Variants in DLG1 observed in about 807,000 individuals in gnomAD.
DLG1 encodes the protein disks large homolog 1.
In DLG1, 42 loss-of-function variants were observed where a neutral mutation model predicts 123.4. The ratio of observed to expected loss-of-function variants is 0.34; its 90% CI spans 0.27 to 0.44. The LOEUF (loss-of-function observed/expected upper bound fraction) is 0.44. Ranked by LOEUF, DLG1 falls within the 20% of genes least tolerant of loss-of-function variation. The pLI, the probability that DLG1 is intolerant of heterozygous loss-of-function variation, is 1.00. For missense variants in DLG1, 942 were observed against 1,082.6 expected, an observed-to-expected ratio of 0.87 and a Z score of 1.82; for synonymous variants, 317 against 356.2, an observed-to-expected ratio of 0.89 and a Z score of 1.24.
At chr3:197,292,270 A>G (rs141848892) in intron 3 of DLG1, among the ~76,000 whole-genome samples, 46 of 152,344 alleles carry the variant, frequency 3.0e-4, no homozygotes, top group African/African-American at 8.4e-4. Flanking sequence ...ATACAACGGA[A>G]TATTATTCAG....
chr3:197,117,876 T>C (rs1441726886), intron 12 of DLG1, among the ~76,000 whole-genome samples: 4 of 152,234 alleles, frequency 2.6e-5, no homozygotes, highest in Non-Finnish European at 4.4e-5. Flanking sequence ...CCACAAATTG[T>C]ATACTTTAAA....
intron 11 of DLG1, among the ~76,000 whole-genome samples, chr3:197,129,993 T>C (rs1421785645): frequency 2.6e-5 from 4 of 152,170 alleles, no homozygotes; most frequent in Non-Finnish European, 5.9e-5. Context: ...TTTACCAAAA[T>C]GTGACACAGA....
chr3:197,117,353 A>C (rs1378035641), intron 12 of DLG1, among the ~76,000 whole-genome samples: 1 of 152,240 alleles, frequency 6.6e-6, no homozygotes, highest in Non-Finnish European at 1.5e-5. Context: ...CAAGTAACTG[A>C]AAGCAGTGAT....
At chr3:197,064,319 G>A (rs1738019501) in intron 22 of DLG1, among the ~76,000 whole-genome samples, 1 of 151,464 alleles carries the variant, frequency 6.6e-6, no homozygotes, top group Non-Finnish European at 1.5e-5. Flanking sequence ...TCAGCCTCCT[G>A]AGAAGCTGGG....
chr3:197,272,231 A>G (rs531740453), intron 4 of DLG1, among the ~76,000 whole-genome samples: 28 of 152,276 alleles, frequency 1.8e-4, no homozygotes, highest in African/African-American at 6.5e-4. Flanking sequence ...TCACGCCTAT[A>G]AACTCAGCTA....
At chr3:197,081,964 A>AT (rs1416925226) in intron 16 of DLG1, among the ~76,000 whole-genome samples, 2 of 152,366 alleles carry the variant, frequency 1.3e-5, no homozygotes, top group South Asian at 2.1e-4. Context: ...ATGTTAGCAT[A>AT]TAACAGAAAA....
intron 4 of DLG1, among the ~76,000 whole-genome samples, chr3:197,232,491 A>C (rs1230825272): frequency 1.3e-5 from 2 of 152,202 alleles, no homozygotes; most frequent in Non-Finnish European, 2.9e-5. Flanking sequence ...TCTATGCTTA[A>C]ATATTTAAAA....
intron 4 of DLG1, among the ~76,000 whole-genome samples, chr3:197,243,477 TAA>T (rs1052187130): frequency 1.3e-5 from 2 of 152,188 alleles, no homozygotes; most frequent in African/African-American, 4.8e-5. Context: ...TGTCTAGAAG[TAA>T]AAGTTTGTTA....
At chr3:197,129,505 C>G (rs1052882079) in intron 11 of DLG1, among the ~76,000 whole-genome samples, 5 of 152,194 alleles carry the variant, frequency 3.3e-5, no homozygotes, top group Non-Finnish European at 7.3e-5. Flanking sequence ...CAACAGCAAT[C>G]AGATTGTCTT....
intron 7 of DLG1, among the ~76,000 whole-genome samples, chr3:197,141,111 T>C (rs139762975): frequency 6.6e-6 from 1 of 152,350 alleles, no homozygotes; most frequent in African/African-American, 2.4e-5. Context: ...TAAGCAAATA[T>C]ATGTGGACCT....
chr3:197,119,443 G>A lies in DLG1; in HGVS notation c.1253C>T (p.Ser418Phe), dbSNP rs898564562. Residue 418 changes from serine (S) to phenylalanine (F), a missense_variant, in exon 12 of 25, where the codon TCT (serine) becomes TTT (phenylalanine). By Grantham distance (155) the Ser-to-Phe change is radical. Coordinates refer to ENST00000667157, the MANE Select transcript of DLG1 (RefSeq NM_001366207.1). ...PASPARYSPV[S>F]KAVLGDDEIT... ...TTCATCATCTCCAAGTACTGCTTTA[G>A]AAACTGGGGAGTATCTGGCTGGAGA... The A allele has an allele frequency of 6.2e-7, 1 of 1,610,248 alleles. No homozygotes were observed. Among genetic ancestry groups the A allele is most frequent in the Non-Finnish European group, 8.5e-7 (1 of 1,177,392 alleles).
At chr3:197,137,793 G>A (rs543339216) in intron 9 of DLG1, among the ~76,000 whole-genome samples, 2 of 151,816 alleles carry the variant, frequency 1.3e-5, no homozygotes, top group East Asian at 3.9e-4. Context: ...AATGCAGGGA[G>A]GCCTCCGTCT....
chr3:197,061,083 C>T (rs182915054), intron 22 of DLG1, among the ~76,000 whole-genome samples: 326 of 152,300 alleles, frequency 2.1e-3, no homozygotes, highest in African/African-American at 7.6e-3. Context: ...GGATTATAGG[C>T]GTGAGCCACC....
chr3:197,195,398 T>C (rs936533086), intron 4 of DLG1, among the ~76,000 whole-genome samples: 5 of 152,030 alleles, frequency 3.3e-5, no homozygotes. Flanking sequence ...AATCAATTGA[T>C]TGATCAGTAA....
In DLG1 at chr3:197,298,568, G is replaced by A. The variant is rs1014312670; in HGVS notation, c.-64C>T. On this transcript the variant is annotated 5_prime_UTR_variant, in exon 1 of 25. It adds an upstream start codon to the 5' untranslated region. Transcript: ENST00000667157. ...CCCCTCAACCTCACTCAGCAGTGCC[G>A]TTTCCAACTCCGCGGCAGAGACAGC... The A allele has an allele frequency of 1.5e-5, 6 of 398,200 alleles. No homozygotes were observed. Among genetic ancestry groups the A allele is most frequent in the Non-Finnish European group, 2.7e-5 (6 of 225,962 alleles). 24.7% of individuals were successfully genotyped at this position (398,200 alleles called of 1,614,324 possible).
chr3:197,197,662 C>T (rs758895251), intron 4 of DLG1, among the ~76,000 whole-genome samples: 20 of 152,160 alleles, frequency 1.3e-4, no homozygotes, highest in Non-Finnish European at 2.5e-4. Flanking sequence ...AATATCCACA[C>T]GGAATTGCGA....
intron 5 of DLG1, among the ~76,000 whole-genome samples, chr3:197,159,612 A>G (rs1797967806): frequency 6.6e-6 from 1 of 152,204 alleles, no homozygotes; most frequent in Non-Finnish European, 1.5e-5. Flanking sequence ...GTTATATGTT[A>G]GTATGTATTT....
At chr3:197,249,599 G>A (rs544538088) in intron 4 of DLG1, among the ~76,000 whole-genome samples, 6 of 151,926 alleles carry the variant, frequency 3.9e-5, no homozygotes, top group African/African-American at 1.2e-4. Flanking sequence ...AACCAGACAC[G>A]GATAAAACAA....
intron 4 of DLG1, among the ~76,000 whole-genome samples, chr3:197,273,216 GTGTGTATA>G (rs907252817): frequency 3.4e-5 from 5 of 145,478 alleles, no homozygotes; most frequent in African/African-American, 7.4e-5. Flanking sequence ...GTGTGTATGT[GTGTGTATA>G]TATATATATT....
Sources: allele counts gnomAD v4.1 joint callset (sites outside exome capture counted in the v4.1 genomes callset), GRCh38; gene constraint gnomAD v4.1.1; transcripts MANE v1.5; gene names NCBI Gene and HGNC (gene_info 2026-07-23, HGNC 2026-07-21).